NUP35: variants seen among roughly 807,000 people sequenced by gnomAD.
NUP35 encodes nucleoporin NUP35.
NUP35 carries 25 observed loss-of-function variants against 41.5 expected under a neutral mutation model. The observed-to-expected ratio is 0.60, with a 90% CI of 0.44 to 0.84. The LOEUF (loss-of-function observed/expected upper bound fraction) is 0.84, where lower values mean the gene tolerates loss of function less well. Ranked by LOEUF, NUP35 falls within the 40% of genes least tolerant of loss-of-function variation. The probability of loss-of-function intolerance (pLI) is 0.00; values close to 1 mark genes in which losing one functional copy is unlikely to be tolerated. For missense variants in NUP35, 396 were observed against 396.6 expected (o/e 1.00, Z 0.01); for synonymous variants, 149 against 130.7 (o/e 1.14, Z -0.96).
At chr2:183,137,825 A>G (rs1684932594) in intron 4 of NUP35, among the ~76,000 whole-genome samples, 1 of 152,086 alleles carries the variant, frequency 6.6e-6, no homozygotes, top group South Asian at 2.1e-4. Context: ...ATGTTAAGTA[A>G]TGTTTTACAT....
chr2:183,125,436 G>A (rs1260489371), intron 1 of NUP35, among the ~76,000 whole-genome samples: 1 of 149,566 alleles, frequency 6.7e-6, no homozygotes, highest in East Asian at 1.9e-4. Flanking sequence ...TGTGGAAAGA[G>A]TCTTTAGATT....
intron 2 of NUP35, among the ~76,000 whole-genome samples, chr2:183,129,432 T>C (rs1684619361): frequency 6.6e-6 from 1 of 152,262 alleles, no homozygotes; most frequent in African/African-American, 2.4e-5. Context: ...CTTTTTACCT[T>C]AATTGCCCTT....
intron 5 of NUP35, among the ~76,000 whole-genome samples, chr2:183,155,647 C>CTG (rs1487446752): frequency 6.7e-6 from 1 of 149,112 alleles, no homozygotes; most frequent in Admixed American, 6.8e-5. Context: ...TCATAGCTCA[C>CTG]TGCAGCCTCC....
At chr2:183,131,614 A>G (rs1458462696) in intron 3 of NUP35, among the ~76,000 whole-genome samples, 3 of 152,220 alleles carry the variant, frequency 2.0e-5, no homozygotes, top group African/African-American at 7.2e-5. Flanking sequence ...AGGAGCCACT[A>G]GCTAAGTGTG....
chr2:183,132,440 C>T (rs1035387685), intron 3 of NUP35, among the ~76,000 whole-genome samples: 1 of 151,344 alleles, frequency 6.6e-6, no homozygotes, highest in African/African-American at 2.4e-5. Context: ...TACCTATAGT[C>T]CCAGGTACTC....
intron 4 of NUP35, among the ~76,000 whole-genome samples, chr2:183,138,267 A>ATTTTTTT (rs1314190972): frequency 2.7e-5 from 2 of 74,046 alleles, no homozygotes; most frequent in East Asian, 3.3e-4. Flanking sequence ...ATATATATAT[A>ATTTTTTT]TATTTTTTTT....
At chr2:183,137,755 T>C (rs1289240203) in intron 4 of NUP35, among the ~76,000 whole-genome samples, 2 of 151,032 alleles carry the variant, frequency 1.3e-5, no homozygotes, top group Non-Finnish European at 1.5e-5. Flanking sequence ...ATTGCACCAC[T>C]GCACGCGAGC....
In NUP35 at chr2:183,157,529, TTTCAG is replaced by T. The variant is rs751629240; in HGVS notation, c.609+22_609+26del. 6.4e-7 allele frequency: 1 copy of T among 1,557,990 alleles called. No homozygotes were observed. The highest frequency in any genetic ancestry group is 8.8e-7 in the Non-Finnish European group (1 of 1,130,130). On this transcript the variant is annotated intron_variant, in intron 6 of 8. Transcript: ENST00000295119. ...AAAACATGTGGTAAGGCTTAATTTTTTTCAGTTCAGAGTTTTGACTAAAGAGGGAT... is the reference window on the plus strand; with the variant it reads ...AAAACATGTGGTAAGGCTTAATTTTTTTCAGAGTTTTGACTAAAGAGGGAT...
intron 4 of NUP35, among the ~76,000 whole-genome samples, chr2:183,147,773 T>G (rs1042479827): frequency 2.0e-5 from 3 of 152,206 alleles, no homozygotes; most frequent in African/African-American, 7.2e-5. Flanking sequence ...ATATGGTCAT[T>G]TTAATGATGC....
chr2:183,122,957 A>G (rs1700091080), upstream of NUP35, among the ~76,000 whole-genome samples: 1 of 152,216 alleles, frequency 6.6e-6, no homozygotes, highest in Admixed American at 6.5e-5. Flanking sequence ...GAATATTGAA[A>G]TAGTAAGATT....
At chr2:183,143,601 G>T (rs1164509913) in intron 4 of NUP35, among the ~76,000 whole-genome samples, 1 of 152,134 alleles carries the variant, frequency 6.6e-6, no homozygotes, top group East Asian at 1.9e-4. Flanking sequence ...AGCTGTTTAG[G>T]TTCCTTTTCT....
intron 4 of NUP35, among the ~76,000 whole-genome samples, chr2:183,136,727 T>A (rs536481250): frequency 4.4e-4 from 67 of 152,314 alleles, no homozygotes; most frequent in African/African-American, 1.6e-3. Context: ...TCTGCCAAGT[T>A]CCTTCACGGC....
intron 3 of NUP35, among the ~76,000 whole-genome samples, chr2:183,131,560 T>C (rs763245075): frequency 2.0e-5 from 3 of 152,208 alleles, no homozygotes; most frequent in Non-Finnish European, 2.9e-5. Flanking sequence ...GTAAACAGAT[T>C]ACTGTTTCTT....
intron 4 of NUP35, among the ~76,000 whole-genome samples, chr2:183,140,404 G>A (rs950024146): frequency 2.0e-5 from 3 of 151,792 alleles, no homozygotes; most frequent in Non-Finnish European, 4.4e-5. Flanking sequence ...GGATAATCTA[G>A]GATAATCTTA....
chr2:183,153,704 G>C (rs928624995), intron 5 of NUP35, among the ~76,000 whole-genome samples: 10 of 152,154 alleles, frequency 6.6e-5, no homozygotes, highest in Non-Finnish European at 1.0e-4. Flanking sequence ...CTGGCATTGC[G>C]TGTATGGGTT....
chr2:183,148,793 G>A (rs1478479285), intron 4 of NUP35, among the ~76,000 whole-genome samples: 1 of 151,968 alleles, frequency 6.6e-6, no homozygotes, highest in Non-Finnish European at 1.5e-5. Flanking sequence ...CAAATAGCTG[G>A]GACCACAGGC....
Position 183,151,550 on chromosome 2 carries a change from AGAC to A in NUP35, c.444_446del (p.Thr149del), listed in dbSNP as rs777214117. 3.1e-6 allele frequency: 5 copies of A among 1,614,098 alleles called. No homozygotes were observed. Among genetic ancestry groups the A allele is most frequent in the South Asian group, 1.1e-5 (1 of 91,080 alleles). On this transcript the variant is annotated inframe_deletion, in exon 5 of 9. Coordinates refer to ENST00000295119, the MANE Select transcript of NUP35 (RefSeq NM_138285.5). ...CCAGCAAGTATCGGTCAGCCACGAA[AGAC>A]GACATTATCTCCTGCCCAGTTGGAT...
chr2:183,130,816 T>C (rs1418099959), intron 3 of NUP35, among the ~76,000 whole-genome samples: 1 of 152,208 alleles, frequency 6.6e-6, no homozygotes, highest in African/African-American at 2.4e-5. Flanking sequence ...TCCAACCTAC[T>C]TAATATACAT....
Position 183,158,314 on chromosome 2 carries a change from G to T in NUP35, c.641G>T (p.Arg214Leu), listed in dbSNP as rs201723215. 1 of 1,601,170 alleles carries T rather than the reference G, an allele frequency of 6.2e-7. No individual in the cohort carries two copies. Among genetic ancestry groups the T allele is most frequent in the African/African-American group, 1.3e-5 (1 of 74,768 alleles). Residue 214 changes from arginine to leucine, a missense_variant, in exon 7 of 9, where the codon CGT (arginine) becomes CTT (leucine). Physicochemically the swap from Arg to Leu is moderately radical, Grantham distance 102. Transcript: ENST00000295119. Reference protein sequence around the residue: ...MSNTGNWMHIRYQSKLQARKA... With the variant: ...MSNTGNWMHILYQSKLQARKA... ...AATACAGGAAATTGGATGCATATTC[G>T]TTATCAATCTAAACTGCAGGCTCGG...
Sources: allele counts gnomAD v4.1 joint callset (sites outside exome capture counted in the v4.1 genomes callset), GRCh38; gene constraint gnomAD v4.1.1; transcripts MANE v1.5; gene names NCBI Gene and HGNC (gene_info 2026-07-23, HGNC 2026-07-21).